PIWIL2: variants seen among roughly 807,000 people sequenced by gnomAD.
The protein encoded by PIWIL2 is piwi-like protein 2.
PIWIL2 carries 81 observed loss-of-function variants against 116.5 expected under a neutral mutation model. The ratio of observed to expected loss-of-function variants is 0.70; its 90% confidence interval spans 0.58 to 0.84. The LOEUF (loss-of-function observed/expected upper bound fraction) is 0.84. Ranked by LOEUF, PIWIL2 falls within the 40% of genes least tolerant of loss-of-function variation. PIWIL2 has a pLI of 0.00. For missense variants in PIWIL2, 1,272 were observed against 1,212.3 expected, an observed-to-expected ratio of 1.05 and a Z score of -0.73; for synonymous variants, 489 against 429.5, an observed-to-expected ratio of 1.14 and a Z score of -1.71.
chr8:22,281,200 T>A lies in PIWIL2; in HGVS notation c.279T>A (p.Leu93=). ...AGACCCCTCTGAAACGGGAAATGCT[T>A]CCATCAGGTATGTGGAAAACTAACT... ...VSKTPLKREM[L]PSGRGILGRG... The change falls in exon 3 of 23, where the codon CTT becomes CTA. Residue 93 remains leucine (L), a synonymous_variant. Transcript: ENST00000356766. 3.7e-6 allele frequency: 6 copies of A among 1,609,746 alleles called. No individual in the cohort carries two copies. Among genetic ancestry groups the A allele is most frequent in the Non-Finnish European group, 5.1e-6 (6 of 1,177,222 alleles).
At chr8:22,330,732 AT>A (rs1831839690) in intron 20 of PIWIL2, among the ~76,000 whole-genome samples, 3 of 151,140 alleles carry the variant, frequency 2.0e-5, no homozygotes, top group South Asian at 2.1e-4. Flanking sequence ...AAATAAATAA[AT>A]AAATAAATAA....
intron 20 of PIWIL2, among the ~76,000 whole-genome samples, chr8:22,334,394 C>T (rs1438677370): frequency 3.3e-5 from 5 of 151,436 alleles, no homozygotes; most frequent in Admixed American, 6.6e-5. Context: ...TCATGGCGGG[C>T]GCCTATAGCC....
At position 22,357,365 on chromosome 8, in the gene PIWIL2, T is replaced by C. The variant is rs1264479000; in HGVS notation, c.*1860T>C. ...TGGCTAAGCAGATCAGTTTTCTGAT[T>C]TTCCTTGGAAGCGTTTTGAATTTTT... On this transcript the variant is annotated 3_prime_UTR_variant, in exon 23 of 23. Coordinates refer to ENST00000356766, the MANE Select transcript of PIWIL2 (RefSeq NM_018068.5). 6.6e-6 allele frequency: 1 copy of C among 152,214 alleles called. No homozygotes were observed. Among genetic ancestry groups the C allele is most frequent in the Non-Finnish European group, 1.5e-5 (1 of 68,040 alleles). The allele number at this position is 152,214 out of a possible 1,614,324, so 9.4% of individuals were successfully genotyped here.
In PIWIL2 at chr8:22,309,952, T is replaced by C. The variant is rs139311637; in HGVS notation, c.1687-9T>C. 367 of 1,518,946 alleles carry C rather than the reference T, an allele frequency of 2.4e-4. 1 individual carries two copies. The African/African-American group carries it at 4.3e-3, about 18-fold the overall frequency. The allele number at this position is 1,518,946 out of a possible 1,614,324, so 94.1% of individuals were successfully genotyped here. A position where few individuals can be genotyped will look rare whatever the true frequency, so the allele number is the denominator to read the frequency against. On this transcript the variant is annotated splice_polypyrimidine_tract_variant and intron_variant, in intron 14 of 22. Coordinates refer to ENST00000356766, the MANE Select transcript of PIWIL2 (RefSeq NM_018068.5). ...GGCTCATGTCATAGATGGTTTATTTTCTGTTTAGATTGAAGGACGTGTTCT... is the reference window on the plus strand; with the variant it reads ...GGCTCATGTCATAGATGGTTTATTTCCTGTTTAGATTGAAGGACGTGTTCT...
intron 12 of PIWIL2, among the ~76,000 whole-genome samples, chr8:22,305,532 A>AC (rs1269774796): frequency 6.6e-6 from 1 of 152,114 alleles, no homozygotes; most frequent in Non-Finnish European, 1.5e-5. Context: ...TAAGGAAGGT[A>AC]CCTTGTTACC....
chr8:22,294,358 A>AAG (rs1830836374), intron 10 of PIWIL2, among the ~76,000 whole-genome samples: 1 of 135,514 alleles, frequency 7.4e-6, no homozygotes, highest in African/African-American at 2.8e-5. Context: ...AAAAAAAAAA[A>AAG]GGTCCGAGCG....
At chr8:22,283,755 T>C (rs1465706659) in intron 5 of PIWIL2, among the ~76,000 whole-genome samples, 1 of 152,222 alleles carries the variant, frequency 6.6e-6, no homozygotes, top group Non-Finnish European at 1.5e-5. Flanking sequence ...AGTGGACATA[T>C]AGCATGCAAC....
chr8:22,282,997 T>C (rs370293849), intron 4 of PIWIL2, 37 bp from the exon 5 acceptor site: 92 of 1,524,244 alleles, frequency 6.0e-5, no homozygotes, highest in Non-Finnish European at 7.8e-5. Flanking sequence ...ATAGCTATTA[T>C]AAAAAACCCT....
chr8:22,324,178 C>T (rs543833033), intron 20 of PIWIL2, among the ~76,000 whole-genome samples: 3 of 152,322 alleles, frequency 2.0e-5, no homozygotes, highest in Admixed American at 1.3e-4. Flanking sequence ...AGGAGAATCA[C>T]TTGAACCTGG....
In PIWIL2 at chr8:22,281,358, G is replaced by T. The variant is rs375245283; in HGVS notation, c.287-19G>T. The stretch of plus-strand genomic sequence containing the variant: ...CGTTTAAGTCATAGTCATTGCTGGG[G>T]TTCGGTTCTTTCTTTCAGGTAGAGG... On this transcript the variant is annotated intron_variant, in intron 3 of 22. Transcript: ENST00000356766. 36 of 1,604,578 alleles carry T rather than the reference G, an allele frequency of 2.2e-5. No individual in the cohort carries two copies. The highest frequency in any genetic ancestry group is 3.0e-5 in the Non-Finnish European group (35 of 1,177,784).
chr8:22,284,109 T>C (rs891211786), intron 5 of PIWIL2, 53 bp from the exon 6 acceptor site: 1 of 909,624 alleles, frequency 1.1e-6, no homozygotes, highest in East Asian at 2.5e-5. Context: ...TGGTTAGTTA[T>C]TTTGTTTTTT....
intron 20 of PIWIL2, among the ~76,000 whole-genome samples, chr8:22,331,361 A>T (rs563829216): frequency 2.7e-5 from 4 of 150,610 alleles, no homozygotes; most frequent in South Asian, 2.1e-4. Flanking sequence ...TTTAATTTCT[A>T]TTTTTTTTTG....
Position 22,281,533 on chromosome 8 carries a change from C to T in PIWIL2, c.425+18C>T. 6.5e-7 allele frequency: 1 copy of T among 1,540,546 alleles called. No individual in the cohort carries two copies. The highest frequency in any genetic ancestry group is 8.7e-7 in the Non-Finnish European group (1 of 1,149,420). On this transcript the variant is annotated intron_variant, in intron 4 of 22. Coordinates refer to ENST00000356766, the MANE Select transcript of PIWIL2 (RefSeq NM_018068.5). Reference sequence around the variant, plus strand: ...TGGAGTAGGTGGGTAAAGTTACCCTCTCAGGTAACTATCAAATTCAGATGG... The same window carrying T: ...TGGAGTAGGTGGGTAAAGTTACCCTTTCAGGTAACTATCAAATTCAGATGG...
At position 22,308,024 on chromosome 8, in the gene PIWIL2, C is replaced by T. The variant is rs576540467; in HGVS notation, c.1637C>T (p.Thr546Ile). Residue 546 changes from threonine (T) to isoleucine (I), a missense_variant, in exon 14 of 23, where the codon ACC (threonine) becomes ATC (isoleucine). Coordinates refer to ENST00000356766, the MANE Select transcript of PIWIL2 (RefSeq NM_018068.5). ...LQRIAKNEAA[T>I]NELMRWGLRL... ...AGAATTGCAAAGAACGAGGCAGCCA[C>T]CAATGAACTGATGCGTTGGGGGCTC... 14 of 1,613,934 alleles carry T rather than the reference C, an allele frequency of 8.7e-6. No homozygotes were observed. In the South Asian group the frequency reaches 1.1e-4, roughly 13 times the overall value.
chr8:22,301,185 C>T (rs1361097510), intron 10 of PIWIL2, among the ~76,000 whole-genome samples: 5 of 152,002 alleles, frequency 3.3e-5, no homozygotes, highest in East Asian at 1.9e-4. Context: ...AGTTTCACCA[C>T]GTTGCCCAGG....
In PIWIL2 at chr8:22,357,172, CAAG is replaced by C. The variant is rs1832506546; in HGVS notation, c.*1670_*1672del. ...AAAAAGAAAAAAGATTTCCTTAAAA[CAAG>C]AAAACCAAGAATGTTTTTGGTTTGT... On this transcript the variant is annotated 3_prime_UTR_variant, in exon 23 of 23. Coordinates refer to ENST00000356766, the MANE Select transcript of PIWIL2 (RefSeq NM_018068.5). The C allele has an allele frequency of 6.6e-6, 1 of 152,124 alleles. No individual in the cohort carries two copies. The highest frequency in any genetic ancestry group is 1.5e-5 in the Non-Finnish European group (1 of 68,012). 9.4% of individuals were successfully genotyped at this position (152,124 alleles called of 1,614,324 possible).
At chr8:22,351,186 A>G (rs940150606) in intron 20 of PIWIL2, among the ~76,000 whole-genome samples, 5 of 151,294 alleles carry the variant, frequency 3.3e-5, no homozygotes, top group African/African-American at 1.2e-4. Context: ...TGGCGTAGTG[A>G]CAAGCACCTG....
intron 14 of PIWIL2, among the ~76,000 whole-genome samples, chr8:22,308,556 G>A (rs1355321244): frequency 2.6e-5 from 4 of 152,070 alleles, no homozygotes; most frequent in Admixed American, 2.0e-4. Flanking sequence ...AGGAGGCTGA[G>A]GTAGGAGAAT....
At chr8:22,330,261 A>C (rs187169176) in intron 20 of PIWIL2, among the ~76,000 whole-genome samples, 219 of 152,012 alleles carry the variant, frequency 1.4e-3, no homozygotes, top group African/African-American at 4.9e-3. Flanking sequence ...CAGTTACCAT[A>C]GTTTCTCACT....
Sources: allele counts gnomAD v4.1 joint callset (sites outside exome capture counted in the v4.1 genomes callset), GRCh38; gene constraint gnomAD v4.1.1; transcripts MANE v1.5; gene names NCBI Gene and HGNC (gene_info 2026-07-23, HGNC 2026-07-21).